The following ARHGEF10L variants were observed in gnomAD, a reference collection of about 807,000 sequenced individuals.
ARHGEF10L encodes rho guanine nucleotide exchange factor 10-like protein.
Under a neutral mutation model 141.2 loss-of-function variants are expected in ARHGEF10L, and 69 were observed. The ratio of observed to expected loss-of-function variants is 0.49; its 90% CI spans 0.40 to 0.60. ARHGEF10L has a LOEUF of 0.60. ARHGEF10L is among the 20% of genes least tolerant of loss of function. The pLI is 0.00. For missense variants in ARHGEF10L, 1,482 were observed against 1,734.3 expected, an observed-to-expected ratio of 0.85 and a Z score of 2.58; for synonymous variants, 711 against 718.5, an observed-to-expected ratio of 0.99 and a Z score of 0.17.
intron 1 of ARHGEF10L, among the ~76,000 whole-genome samples, chr1:17,571,835 C>T (rs1234809387): frequency 1.3e-5 from 2 of 152,128 alleles, no homozygotes; most frequent in African/African-American, 4.8e-5. Flanking sequence ...TGTCTGGCCA[C>T]ATATTTCTAT....
At chr1:17,618,132 C>T (rs1360395684) in intron 9 of ARHGEF10L, among the ~76,000 whole-genome samples, 1 of 152,174 alleles carries the variant, frequency 6.6e-6, no homozygotes, top group Non-Finnish European at 1.5e-5. Flanking sequence ...AGGGAGCAGG[C>T]CAAGTGGCCA....
chr1:17,649,024 C>T (rs1482412520), intron 22 of ARHGEF10L, among the ~76,000 whole-genome samples: 3 of 152,236 alleles, frequency 2.0e-5, no homozygotes, highest in South Asian at 2.1e-4. Context: ...GTTCGCCAGG[C>T]GGGAGCCGGC....
Position 17,632,379 on chromosome 1 carries a change from A to T in ARHGEF10L, c.1643A>T (p.Tyr548Phe), listed in dbSNP as rs1202630621. ...TGTGAGACGTTGACGGAGACCGTGT[A>T]CGGTGACCGCGGGCAGCTAATTAAG... ...LLCETLTETV[Y>F]GDRGQLIKSK... The change falls in exon 16 of 29, where the codon TAC becomes TTC. Residue 548 changes from tyrosine to phenylalanine, a missense_variant. By Grantham distance (22) the Tyr-to-Phe change is conservative. This residue lies in a region of ARHGEF10L where 392 missense variants were observed against 542.1 expected (regional missense o/e 0.72). Coordinates refer to ENST00000361221, the MANE Select transcript of ARHGEF10L (RefSeq NM_018125.4). The T allele has an allele frequency of 1.2e-6, 2 of 1,614,032 alleles. No individual in the cohort carries two copies. Among genetic ancestry groups the T allele is most frequent in the Non-Finnish European group, 1.7e-6 (2 of 1,180,034 alleles).
In ARHGEF10L at chr1:17,619,394, G is replaced by T; in HGVS notation, c.891G>T (p.Lys297Asn). 3 of 1,611,516 alleles carry T rather than the reference G, an allele frequency of 1.9e-6. No individual in the cohort carries two copies. Among genetic ancestry groups the T allele is most frequent in the Non-Finnish European group, 2.5e-6 (3 of 1,179,260 alleles). The change falls in exon 10 of 29, where the codon AAG becomes AAT. Residue 297 changes from lysine (K) to asparagine (N), a missense_variant. This residue lies in a region of ARHGEF10L where 392 missense variants were observed against 542.1 expected (regional missense o/e 0.72). Transcript: ENST00000361221. This position sits in a 1 kb window ranked among gnomAD's most constrained non-coding sequence, Gnocchi z 5.0. ...TGGAGGTCAGCGTTTCGGACATCAA[G>T]CCCCCAGCCCCAGAGCTGGGCCCCA... is the stretch of plus-strand genomic sequence containing the variant. ...GLLEVSVSDI[K>N]PPAPELGPMP... is the part of the protein sequence containing the mutation.
chr1:17,525,367 G>GGACCCTAGGCTGGGAGCCAGGAGGCTGC, the ARHGEF10L span, among the ~76,000 whole-genome samples: 20 of 152,216 alleles, frequency 1.3e-4, no homozygotes, highest in South Asian at 4.1e-4. Context: ...GTGGGGGATG[G>GGACCCTAGGCTGGGAGCCAGGAGGCTGC]GACCCTAGGC....
At chr1:17,514,113 C>G in the ARHGEF10L span, among the ~76,000 whole-genome samples, 188 of 142,702 alleles carry the variant, frequency 1.3e-3, no homozygotes, top group Non-Finnish European at 2.5e-3. Flanking sequence ...TGTGAGCCAC[C>G]TCACCCAGCC....
chr1:17,598,729 A>G (rs570580714), intron 4 of ARHGEF10L, among the ~76,000 whole-genome samples: 108 of 151,808 alleles, frequency 7.1e-4, no homozygotes, highest in African/African-American at 2.5e-3. Context: ...GGAGACTTGA[A>G]CTTGAGCCTC....
intron 1 of ARHGEF10L, among the ~76,000 whole-genome samples, chr1:17,574,961 T>A (rs912641721): frequency 7.9e-5 from 12 of 152,122 alleles, no homozygotes; most frequent in African/African-American, 2.9e-4. Flanking sequence ...TGTTCTCCCC[T>A]CCTCTGGGCC....
rs534998825 is a variant in ARHGEF10L, at chr1:17,656,956, A to G, written c.2860+248A>G. 2.0e-5 allele frequency among the ~76,000 whole-genome samples: 3 copies of G among 152,154 alleles called. No individual in the cohort carries two copies. Among genetic ancestry groups the G allele is most frequent in the Non-Finnish European group, 4.4e-5 (3 of 68,024 alleles). ...ACCTGTTGACAGGAGACTGTAGTGGATAAGAGAGGTACTCGCAGGTTGGAG... is the reference window on the plus strand; with the variant it reads ...ACCTGTTGACAGGAGACTGTAGTGGGTAAGAGAGGTACTCGCAGGTTGGAG... On this transcript the variant is annotated intron_variant, in intron 25 of 28. Transcript: ENST00000361221. The surrounding 1 kb of genome is among the most constrained non-coding windows in gnomAD (Gnocchi z 4.9).
intron 21 of ARHGEF10L, among the ~76,000 whole-genome samples, chr1:17,642,624 C>T (rs2061389883): frequency 6.6e-6 from 1 of 152,188 alleles, no homozygotes; most frequent in African/African-American, 2.4e-5. Context: ...GGCTTCTACT[C>T]AGCCCATCCC....
chr1:17,609,503 C>A (rs1278956159), intron 7 of ARHGEF10L, among the ~76,000 whole-genome samples: 1 of 152,192 alleles, frequency 6.6e-6, no homozygotes, highest in Non-Finnish European at 1.5e-5. Flanking sequence ...GCTCAGTGAA[C>A]CTTTACGGTC....
At chr1:17,548,327 GC>G (rs1156800426) in intron 1 of ARHGEF10L, among the ~76,000 whole-genome samples, 2 of 152,234 alleles carry the variant, frequency 1.3e-5, no homozygotes, top group Admixed American at 6.5e-5. Flanking sequence ...ATCCAAAGAG[GC>G]AGTTAGACCC....
chr1:17,551,722 A>C (rs546972914), intron 1 of ARHGEF10L, among the ~76,000 whole-genome samples: 1 of 152,266 alleles, frequency 6.6e-6, no homozygotes, highest in Non-Finnish European at 1.5e-5. Context: ...ACTCCTTCCC[A>C]AATTCTGCTC....
chr1:17,638,543 T>A lies in ARHGEF10L; in HGVS notation c.2044-19T>A. On this transcript the variant is annotated intron_variant, in intron 19 of 28. Transcript: ENST00000361221. ...GCCAGTGTGCTGTGTGGTGACCTCA[T>A]TGGCCTCCTGAACCCTAGAACCTGA... is the stretch of plus-strand genomic sequence containing the variant. 1 of 1,614,104 alleles carries A rather than the reference T, an allele frequency of 6.2e-7. No homozygotes were observed. Among genetic ancestry groups the A allele is most frequent in the South Asian group, 1.1e-5 (1 of 91,082 alleles).
In ARHGEF10L at chr1:17,627,252, C is replaced by T. The variant is rs966197503; in HGVS notation, c.1411-78C>T. The T allele has an allele frequency of 8.4e-6, 13 of 1,550,136 alleles. No individual in the cohort carries two copies. Among genetic ancestry groups the T allele is most frequent in the African/African-American group, 4.1e-5 (3 of 73,806 alleles). On this transcript the variant is annotated intron_variant, in intron 14 of 28. Coordinates refer to ENST00000361221, the MANE Select transcript of ARHGEF10L (RefSeq NM_018125.4). This position sits in a 1 kb window ranked among gnomAD's most constrained non-coding sequence, Gnocchi z 4.0. Reference sequence around the variant, plus strand: ...CAGACCCAGTGTGTGTAGGGGGTTGCGCAGGGTGAGGCTTTGCCCCAGGCT... The same window carrying T: ...CAGACCCAGTGTGTGTAGGGGGTTGTGCAGGGTGAGGCTTTGCCCCAGGCT...
Position 17,627,408 on chromosome 1 carries a change from G to A in ARHGEF10L, c.1489G>A (p.Ala497Thr). The change falls in exon 15 of 29, where the codon GCT (alanine) becomes ACT (threonine). Residue 497 changes from alanine to threonine, a missense_variant. Physicochemically the swap from Ala to Thr is moderately conservative, Grantham distance 58 (BLOSUM62 0). Coordinates refer to ENST00000361221, the MANE Select transcript of ARHGEF10L (RefSeq NM_018125.4). The surrounding 1 kb of genome is among the most constrained non-coding windows in gnomAD (Gnocchi z 4.0). The part of the protein sequence containing the change: ...QLALTELETL[A>T]EKLNEQKRLA... Reference sequence around the variant, plus strand: ...GGCCCTCACAGAGCTGGAGACGCTGGCTGAGAAGCTGAACGAGCAGAAGCG... The same window carrying A: ...GGCCCTCACAGAGCTGGAGACGCTGACTGAGAAGCTGAACGAGCAGAAGCG... 1 of 1,614,046 alleles carries A rather than the reference G, an allele frequency of 6.2e-7. No homozygotes were observed. Among genetic ancestry groups the A allele is most frequent in the Non-Finnish European group, 8.5e-7 (1 of 1,180,044 alleles).
the ARHGEF10L span, among the ~76,000 whole-genome samples, chr1:17,519,756 A>T: frequency 3.3e-5 from 5 of 151,982 alleles, no homozygotes; most frequent in Non-Finnish European, 7.4e-5. Context: ...AATCACTTGA[A>T]CCTGGGAGGT....
At position 17,697,296 on chromosome 1, in the gene ARHGEF10L, C is replaced by T. The variant is rs376681507; in HGVS notation, c.3756C>T (p.Ser1252=). The change falls in exon 29 of 29, where the codon AGC becomes AGT. Residue 1252 remains serine, a synonymous_variant. Transcript: ENST00000361221. The surrounding 1 kb of genome is among the most constrained non-coding windows in gnomAD (Gnocchi z 4.8). ...SGGQGYRNFG[S]ALGSSGRQAP... is the part of the protein sequence containing the mutation. ...GGCAGGGCTACCGCAACTTTGGCAG[C>T]GCTCTGGGCAGCAGTGGGAGGCAGG... 56 of 1,612,556 alleles carry T rather than the reference C, an allele frequency of 3.5e-5. No individual in the cohort carries two copies. The highest frequency in any genetic ancestry group is 9.3e-5 in the African/African-American group (7 of 74,946).
chr1:17,682,712 G>T (rs2064223058), intron 26 of ARHGEF10L, among the ~76,000 whole-genome samples: 1 of 152,022 alleles, frequency 6.6e-6, no homozygotes, highest in African/African-American at 2.4e-5. Flanking sequence ...GGCTGAGGGG[G>T]CAGGAAGCAC....
Sources: allele counts gnomAD v4.1 joint callset (sites outside exome capture counted in the v4.1 genomes callset), GRCh38; gene constraint gnomAD v4.1.1; regional missense constraint gnomAD v4.1.1; non-coding constraint Gnocchi (gnomAD v3.1); transcripts MANE v1.5; gene names NCBI Gene and HGNC (gene_info 2026-07-23, HGNC 2026-07-21).